GRIN2B: variants seen among roughly 807,000 people sequenced by gnomAD.
GRIN2B encodes the protein glutamate ionotropic receptor NMDA type subunit 2B.
GRIN2B carries 5 observed loss-of-function variants against 114.5 expected under a neutral mutation model. That is an observed-to-expected ratio of 0.04 (90% confidence interval 0.02 to 0.09). The LOEUF (loss-of-function observed/expected upper bound fraction) is 0.09. GRIN2B is among the 10% of genes least tolerant of loss of function. GRIN2B has a pLI of 1.00. For missense variants in GRIN2B, 1,108 were observed against 1,943.5 expected (o/e 0.57, Z 8.08); for synonymous variants, 787 against 745.1 (o/e 1.06, Z -0.92).
intron 3 of GRIN2B, among the ~76,000 whole-genome samples, chr12:13,783,470 A>T (rs2136657391): frequency 6.7e-5 from 1 of 14,942 alleles, no homozygotes; most frequent in South Asian, 3.8e-3. Context: ...AAAACCACAG[A>T]TAGGCAGCAG....
intron 10 of GRIN2B, among the ~76,000 whole-genome samples, chr12:13,607,191 A>T (rs1949266339): frequency 2.5e-5 from 3 of 117,942 alleles, no homozygotes; most frequent in Non-Finnish European, 5.0e-5. Flanking sequence ...TAAATATATA[A>T]AAAATATATA....
In GRIN2B at chr12:13,905,016, G is replaced by A. The variant is rs546682142; in HGVS notation, c.-18-38790C>T. ...TCTGTAGATTTGACTTTTTCTTCTT[G>A]TAGATCTGTTCATTTATAACTATAG... On this transcript the variant is annotated intron_variant, in intron 2 of 13. Coordinates refer to ENST00000609686, the MANE Select transcript of GRIN2B (RefSeq NM_000834.5). 2.6e-5 allele frequency among the ~76,000 whole-genome samples: 4 copies of A among 152,044 alleles called. No homozygotes were observed. The South Asian group carries it at 8.3e-4, about 32-fold the overall frequency.
intron 4 of GRIN2B, among the ~76,000 whole-genome samples, chr12:13,745,688 A>T (rs542116367): frequency 6.6e-6 from 1 of 152,220 alleles, no homozygotes; most frequent in Admixed American, 6.5e-5. Flanking sequence ...TTAGATGAGC[A>T]CTAAAGACTC....
intron 2 of GRIN2B, among the ~76,000 whole-genome samples, chr12:13,905,639 G>A (rs10160840): frequency 0.16 from 24,880 of 152,042 alleles, 2,269 homozygotes; most frequent in East Asian, 0.2. Context: ...AGTCTAGGAC[G>A]TCTTCCTTAA....
chr12:13,651,547 T>C (rs1211051666), intron 5 of GRIN2B, among the ~76,000 whole-genome samples: 1 of 152,110 alleles, frequency 6.6e-6, no homozygotes, highest in Non-Finnish European at 1.5e-5. Context: ...CTGGTGTTGA[T>C]TTTATAGGCA....
At chr12:13,665,593 A>G (rs1472647892) in intron 5 of GRIN2B, among the ~76,000 whole-genome samples, 1 of 151,976 alleles carries the variant, frequency 6.6e-6, no homozygotes, top group Non-Finnish European at 1.5e-5. Flanking sequence ...CAGCTCTGCC[A>G]CTCCTTAGCT....
At chr12:13,743,776 T>C (rs1193892822) in intron 4 of GRIN2B, among the ~76,000 whole-genome samples, 1 of 152,208 alleles carries the variant, frequency 6.6e-6, no homozygotes. Flanking sequence ...GAAGATTATC[T>C]GTATGAAAAT....
At chr12:13,797,912 T>C (rs1019527685) in intron 3 of GRIN2B, among the ~76,000 whole-genome samples, 2 of 152,224 alleles carry the variant, frequency 1.3e-5, no homozygotes, top group African/African-American at 4.8e-5. Flanking sequence ...GATATTCTAG[T>C]AATATTTAAT....
chr12:13,585,828 T>C (rs1303595604), intron 10 of GRIN2B, among the ~76,000 whole-genome samples: 1 of 152,126 alleles, frequency 6.6e-6, no homozygotes, highest in South Asian at 2.1e-4. Flanking sequence ...TCTGTCTCCA[T>C]CTCTTTTGTT....
At chr12:13,609,299 C>T (rs1949329467) in intron 9 of GRIN2B, among the ~76,000 whole-genome samples, 1 of 152,200 alleles carries the variant, frequency 6.6e-6, no homozygotes, top group Admixed American at 6.5e-5. Context: ...AGATTGTTTT[C>T]TGCCATTCAT....
intron 2 of GRIN2B, among the ~76,000 whole-genome samples, chr12:13,917,931 G>A (rs1866760641): frequency 6.6e-6 from 1 of 151,922 alleles, no homozygotes; most frequent in Admixed American, 6.6e-5. Context: ...TGATAAATTA[G>A]GTCACCTCAC....
intron 2 of GRIN2B, among the ~76,000 whole-genome samples, chr12:13,942,337 C>T (rs219911): frequency 0.64 from 96,554 of 151,808 alleles, 31,222 homozygotes; most frequent in East Asian, 0.95. Flanking sequence ...TGAGAAAAAA[C>T]CCTCCTACAA....
At chr12:13,595,463 CCCATACTGT>C (rs892468550) in intron 10 of GRIN2B, among the ~76,000 whole-genome samples, 5 of 152,174 alleles carry the variant, frequency 3.3e-5, no homozygotes, top group African/African-American at 1.2e-4. Context: ...AGCTATTCTG[CCCATACTGT>C]TTGGACTCCA....
intron 2 of GRIN2B, among the ~76,000 whole-genome samples, chr12:13,939,260 T>C (rs941041471): frequency 1.3e-5 from 2 of 152,156 alleles, no homozygotes; most frequent in Non-Finnish European, 2.9e-5. Flanking sequence ...CCAAATCTCA[T>C]AGAAATGTGA....
At chr12:13,848,989 C>T (rs967139982) in intron 3 of GRIN2B, among the ~76,000 whole-genome samples, 3 of 151,190 alleles carry the variant, frequency 2.0e-5, no homozygotes, top group African/African-American at 4.9e-5. Context: ...GACTTCTCCT[C>T]GGGCACAGAA....
At chr12:13,879,957 C>A (rs1866045901) in intron 2 of GRIN2B, among the ~76,000 whole-genome samples, 1 of 152,228 alleles carries the variant, frequency 6.6e-6, no homozygotes, top group African/African-American at 2.4e-5. Context: ...ATCCCTCTGT[C>A]CTCAAAAGTC....
At chr12:13,625,138 A>G (rs1170018036) in intron 5 of GRIN2B, among the ~76,000 whole-genome samples, 2 of 152,250 alleles carry the variant, frequency 1.3e-5, no homozygotes, top group African/African-American at 4.8e-5. Flanking sequence ...GGTGGATATT[A>G]TTAATTGCCT....
In GRIN2B at chr12:13,969,502, T is replaced by C. The variant is rs758626515; in HGVS notation, c.-19+10426A>G. Among the ~76,000 whole-genome samples, 11 of 152,364 alleles carry C rather than the reference T, an allele frequency of 7.2e-5. No individual in the cohort carries two copies. The South Asian group carries it at 2.3e-3, about 32-fold the overall frequency. On this transcript the variant is annotated intron_variant, in intron 2 of 13. Coordinates refer to ENST00000609686, the MANE Select transcript of GRIN2B (RefSeq NM_000834.5). ...GAGGATTGAGTAATGTGCATTAATATAATCTAGAAGATAATTGGCATAATC... is the reference window on the plus strand; with the variant it reads ...GAGGATTGAGTAATGTGCATTAATACAATCTAGAAGATAATTGGCATAATC...
At chr12:13,631,989 T>C (rs1319664241) in intron 5 of GRIN2B, among the ~76,000 whole-genome samples, 2 of 152,128 alleles carry the variant, frequency 1.3e-5, no homozygotes, top group Non-Finnish European at 2.9e-5. Context: ...AGGCCTTGGG[T>C]TCATGGCCAG....
Sources: allele counts gnomAD v4.1 joint callset (sites outside exome capture counted in the v4.1 genomes callset), GRCh38; gene constraint gnomAD v4.1.1; transcripts MANE v1.5; gene names NCBI Gene and HGNC (gene_info 2026-07-23, HGNC 2026-07-21).